Variants in ANXA13 observed in about 807,000 individuals in gnomAD.
ANXA13 encodes the protein annexin XIII.
Under a neutral mutation model 46.6 loss-of-function variants are expected in ANXA13, and 36 were observed. The observed-to-expected ratio is 0.77, with a 90% CI of 0.59 to 1.02. The LOEUF (loss-of-function observed/expected upper bound fraction) is 1.02. Ranked by LOEUF, ANXA13 falls within the 50% of genes least tolerant of loss-of-function variation. The pLI is 0.00. For missense variants in ANXA13, 417 were observed against 396.5 expected (o/e 1.05, Z -0.44); for synonymous variants, 163 against 152.9 (o/e 1.07, Z -0.49).
At chr8:123,684,386 C>A (rs1813097801) in intron 10 of ANXA13, among the ~76,000 whole-genome samples, 1 of 152,138 alleles carries the variant, frequency 6.6e-6, no homozygotes, top group Non-Finnish European at 1.5e-5. Context: ...CTCTCCAGAG[C>A]CACAGAGGAC....
intron 1 of ANXA13, among the ~76,000 whole-genome samples, chr8:123,715,993 G>A (rs1457839575): frequency 2.0e-5 from 3 of 152,210 alleles, no homozygotes; most frequent in Non-Finnish European, 2.9e-5. Context: ...TTGATCCCAA[G>A]TAACTCTGAT....
At chr8:123,722,382 G>GA (rs1554595378) in intron 1 of ANXA13, among the ~76,000 whole-genome samples, 3 of 126,374 alleles carry the variant, frequency 2.4e-5, no homozygotes, top group Admixed American at 7.6e-5. Flanking sequence ...AAGAAAGAAA[G>GA]AAAGAAAGAA....
At chr8:123,718,238 C>A (rs1341897603) in intron 1 of ANXA13, among the ~76,000 whole-genome samples, 1 of 152,220 alleles carries the variant, frequency 6.6e-6, no homozygotes. Flanking sequence ...TTGTTGAAGG[C>A]AAATCAGCAA....
At chr8:123,697,249 C>G (rs1023861399) in intron 4 of ANXA13, among the ~76,000 whole-genome samples, 3 of 152,146 alleles carry the variant, frequency 2.0e-5, no homozygotes, top group Admixed American at 6.5e-5. Flanking sequence ...TTCACAAAGG[C>G]AGGTGCTGAC....
At chr8:123,726,042 T>C (rs1813981173) in intron 1 of ANXA13, among the ~76,000 whole-genome samples, 1 of 152,162 alleles carries the variant, frequency 6.6e-6, no homozygotes, top group Non-Finnish European at 1.5e-5. Flanking sequence ...GCAGAAATAT[T>C]TGTATCATTT....
At position 123,702,825 on chromosome 8, in the gene ANXA13, A is replaced by T. The variant is rs114805923; in HGVS notation, c.92-89T>A. 2,412 of 1,234,580 alleles carry T rather than the reference A, an allele frequency of 2.0e-3. 23 individuals are homozygous for T. In the African/African-American group the frequency reaches 0.026, roughly 14 times the overall value. The allele number at this position is 1,234,580 out of a possible 1,614,324, so 76.5% of individuals were successfully genotyped here. On this transcript the variant is annotated intron_variant, in intron 2 of 10. Transcript: ENST00000419625. The stretch of plus-strand genomic sequence containing the variant: ...GTCCAGGGTGAGGAAGCCAGGACTC[A>T]CAGCTTAAAGGTGGTTGGAGGTGTC...
Position 123,721,990 on chromosome 8 carries a change from G to C in ANXA13, c.16-9237C>G, listed in dbSNP as rs1813882421. 2.0e-5 allele frequency among the ~76,000 whole-genome samples: 3 copies of C among 152,226 alleles called. No individual in the cohort carries two copies. In the South Asian group the frequency reaches 6.2e-4, roughly 32 times the overall value. Reference sequence around the variant, plus strand: ...TTTTGGGGTTATTGTCTAAATAATAGTTATTATTTTTAATTTAATAATAGA... The same window carrying C: ...TTTTGGGGTTATTGTCTAAATAATACTTATTATTTTTAATTTAATAATAGA... On this transcript the variant is annotated intron_variant, in intron 1 of 10. Transcript: ENST00000419625.
In ANXA13 at chr8:123,702,647, C is replaced by T. The variant is rs146094229; in HGVS notation, c.181G>A (p.Gly61Ser). ...CTGACCACCCCTGGAATCACCTTGCCGTACGTTGCCTTGTACTTTTGCTTG... is the reference window on the plus strand; with the variant it reads ...CTGACCACCCCTGGAATCACCTTGCTGTACGTTGCCTTGTACTTTTGCTTG... ...QIKQKYKATY[G>S]KELEEVLKSE... The change falls in exon 3 of 11, where the codon GGC becomes AGC. Residue 61 changes from glycine (G) to serine (S), a missense_variant. Coordinates refer to ENST00000419625, the MANE Select transcript of ANXA13 (RefSeq NM_004306.4). 111 of 1,613,812 alleles carry T rather than the reference C, an allele frequency of 6.9e-5. No homozygotes were observed. The highest frequency in any genetic ancestry group is 8.2e-5 in the Non-Finnish European group (97 of 1,179,874).
At chr8:123,702,592 C>A (rs73703639) in intron 3 of ANXA13, 50 bp downstream of exon 3, 5 of 1,475,382 alleles carry the variant, frequency 3.4e-6, no homozygotes, top group South Asian at 1.1e-5. Flanking sequence ...GAAGCCGAGA[C>A]GGCTGAGGCC....
chr8:123,727,407 A>T (rs1814021744), intron 1 of ANXA13, among the ~76,000 whole-genome samples: 1 of 151,726 alleles, frequency 6.6e-6, no homozygotes, highest in African/African-American at 2.4e-5. Flanking sequence ...TCTGGTGGAG[A>T]TCCAGTGACA....
At chr8:123,684,812 C>T (rs181540539) in intron 9 of ANXA13, 90 bp from the exon 10 acceptor site, 20 of 886,624 alleles carry the variant, frequency 2.3e-5, no homozygotes, top group East Asian at 9.7e-5. Flanking sequence ...GGCTGCCCTT[C>T]GAGCTGACTG....
chr8:123,684,841 T>A, intron 9 of ANXA13, 119 bp from the exon 10 acceptor site: 1 of 694,428 alleles, frequency 1.4e-6, no homozygotes, highest in Non-Finnish European at 2.6e-6. Context: ...GACAGAGGTG[T>A]GAAAAGAGCT....
intron 8 of ANXA13, among the ~76,000 whole-genome samples, chr8:123,692,762 C>G (rs1024121426): frequency 2.0e-5 from 3 of 152,160 alleles, no homozygotes; most frequent in Admixed American, 2.0e-4. Context: ...GGTTCCTGTT[C>G]TACAAACAGG....
chr8:123,694,342 C>T (rs934406892), intron 6 of ANXA13, among the ~76,000 whole-genome samples: 3 of 152,192 alleles, frequency 2.0e-5, no homozygotes, highest in African/African-American at 7.2e-5. Context: ...GGTCTCCAAT[C>T]AGCTGAGTCC....
rs2129817097 is a variant in ANXA13 at position 123,684,594 on chromosome 8, T to A, written c.831+16A>T. On this transcript the variant is annotated intron_variant, in intron 10 of 10. Transcript: ENST00000419625. ...AGAAGTTGCAGCCGCCTCTTTGGAG[T>A]CGGAGTGTGTCTTACCTCGGCCCTG... 6.4e-7 allele frequency: 1 copy of A among 1,555,788 alleles called. No homozygotes were observed. Among genetic ancestry groups the A allele is most frequent in the East Asian group, 2.2e-5 (1 of 44,582 alleles).
At chr8:123,686,854 G>A (rs1813148814) in intron 9 of ANXA13, among the ~76,000 whole-genome samples, 1 of 152,150 alleles carries the variant, frequency 6.6e-6, no homozygotes, top group South Asian at 2.1e-4. Context: ...GGTGGGAAGT[G>A]TCTAGAAAAT....
At position 123,684,598 on chromosome 8, in the gene ANXA13, A is replaced by G; in HGVS notation, c.831+12T>C. The G allele has an allele frequency of 6.3e-7, 1 of 1,580,860 alleles. No individual in the cohort carries two copies. Among genetic ancestry groups the G allele is most frequent in the South Asian group, 1.1e-5 (1 of 90,330 alleles). On this transcript the variant is annotated intron_variant, in intron 10 of 10. Transcript: ENST00000419625. ...GTTGCAGCCGCCTCTTTGGAGTCGGAGTGTGTCTTACCTCGGCCCTGGTCA... is the reference window on the plus strand; with the variant it reads ...GTTGCAGCCGCCTCTTTGGAGTCGGGGTGTGTCTTACCTCGGCCCTGGTCA...
Position 123,693,249 on chromosome 8 carries a change from A to G in ANXA13, c.590T>C (p.Leu197Pro), listed in dbSNP as rs141901594. Residue 197 changes from leucine to proline, a missense_variant, in exon 8 of 11, where the codon CTG becomes CCG. By Grantham distance (98) the Leu-to-Pro change is moderately conservative. Transcript: ENST00000419625. ...TAACTGCTTGTAGCTCCTCTTGGCCAGGACTTCATTGAACGCAAGCTCATC... is the reference window on the plus strand; with the variant it reads ...TAACTGCTTGTAGCTCCTCTTGGCCGGGACTTCATTGAACGCAAGCTCATC... ...GTDELAFNEVLAKRSYKQLRA... is the reference protein window; with the variant it reads ...GTDELAFNEVPAKRSYKQLRA... 1.5e-4 allele frequency: 236 copies of G among 1,614,220 alleles called. No homozygotes were observed. The highest frequency in any genetic ancestry group is 4.1e-4 in the South Asian group (37 of 91,084).
At position 123,681,130 on chromosome 8, in the gene ANXA13, A is replaced by G. The variant is rs566253977; in HGVS notation, c.*110T>C. 2.1e-6 allele frequency: 3 copies of G among 1,409,814 alleles called. No individual in the cohort carries two copies. Among genetic ancestry groups the G allele is most frequent in the Non-Finnish European group, 2.8e-6 (3 of 1,056,566 alleles). The allele number at this position is 1,409,814 out of a possible 1,614,324, so 87.3% of individuals were successfully genotyped here. ...CGCCACTTAAGCTGCCAAGAAAGTA[A>G]TCCGGGACTCTTAAGGGTTTTCGTG... On this transcript the variant is annotated 3_prime_UTR_variant, in exon 11 of 11. Transcript: ENST00000419625.
Sources: allele counts gnomAD v4.1 joint callset (sites outside exome capture counted in the v4.1 genomes callset), GRCh38; gene constraint gnomAD v4.1.1; transcripts MANE v1.5; gene names NCBI Gene and HGNC (gene_info 2026-07-23, HGNC 2026-07-21).